The following ZFPM2 variants were observed in gnomAD, a reference collection of about 807,000 sequenced individuals.
The protein encoded by ZFPM2 is zinc finger protein, FOG family member 2.
Under a neutral mutation model 98.6 loss-of-function variants are expected in ZFPM2, and 20 were observed. The ratio of observed to expected loss-of-function variants is 0.20; its 90% CI spans 0.14 to 0.29. ZFPM2 has a LOEUF of 0.29. ZFPM2 is among the 10% of genes least tolerant of loss of function. ZFPM2 has a pLI of 1.00. For missense variants in ZFPM2, 1,310 were observed against 1,388.6 expected, an observed-to-expected ratio of 0.94 and a Z score of 0.90; for synonymous variants, 518 against 502.7, an observed-to-expected ratio of 1.03 and a Z score of -0.41.
At chr8:105,680,926 A>G (rs1810585503) in intron 5 of ZFPM2, among the ~76,000 whole-genome samples, 1 of 152,196 alleles carries the variant, frequency 6.6e-6, no homozygotes, top group Non-Finnish European at 1.5e-5. Flanking sequence ...GGAGCAGACA[A>G]CAAACAATAT....
At chr8:105,481,631 C>G (rs937524140) in intron 3 of ZFPM2, among the ~76,000 whole-genome samples, 1 of 152,146 alleles carries the variant, frequency 6.6e-6, no homozygotes, top group African/African-American at 2.4e-5. Context: ...CGGAGGGACA[C>G]AAGTCCCTCC....
chr8:105,342,552 TA>T (rs1812449334), intron 1 of ZFPM2, among the ~76,000 whole-genome samples: 1 of 151,948 alleles, frequency 6.6e-6, no homozygotes, highest in African/African-American at 2.4e-5. Flanking sequence ...TTTGCCTATT[TA>T]TCTAAAGAAA....
At chr8:105,406,733 G>A (rs1220760478) in intron 1 of ZFPM2, among the ~76,000 whole-genome samples, 3 of 151,910 alleles carry the variant, frequency 2.0e-5, no homozygotes, top group Non-Finnish European at 2.9e-5. Flanking sequence ...TGAGAGTGGC[G>A]CTTGAAAGGC....
At chr8:105,496,766 T>C (rs1296599038) in intron 3 of ZFPM2, among the ~76,000 whole-genome samples, 1 of 149,106 alleles carries the variant, frequency 6.7e-6, no homozygotes, top group Non-Finnish European at 1.5e-5. Context: ...GCGGATCACC[T>C]GAGCCCGGGA....
intron 1 of ZFPM2, among the ~76,000 whole-genome samples, chr8:105,408,013 T>A (rs548133326): frequency 6.6e-6 from 1 of 152,046 alleles, no homozygotes; most frequent in East Asian, 1.9e-4. Flanking sequence ...ACCTTTTGGC[T>A]TACCCTATAA....
rs528387857 is a variant in ZFPM2, at chr8:105,742,182, C to T, written c.533-46536C>T. 1.4e-4 allele frequency among the ~76,000 whole-genome samples: 21 copies of T among 151,794 alleles called. No homozygotes were observed. The South Asian group carries it at 4.4e-3, about 32-fold the overall frequency. On this transcript the variant is annotated intron_variant, in intron 5 of 7. Coordinates refer to ENST00000407775, the MANE Select transcript of ZFPM2 (RefSeq NM_012082.4). The stretch of plus-strand genomic sequence containing the variant: ...CCACTTGAAGTCAAGGGTTCAAGAC[C>T]AGCCTGGGCAAAATAGTGAGACTCT...
intron 3 of ZFPM2, among the ~76,000 whole-genome samples, chr8:105,507,117 A>T (rs910875024): frequency 6.6e-6 from 1 of 152,216 alleles, no homozygotes; most frequent in African/African-American, 2.4e-5. Flanking sequence ...GTTCATGCAA[A>T]CAAATGTTTT....
At chr8:105,766,640 A>G (rs1421808879) in intron 5 of ZFPM2, among the ~76,000 whole-genome samples, 1 of 151,918 alleles carries the variant, frequency 6.6e-6, no homozygotes, top group African/African-American at 2.4e-5. Flanking sequence ...TAGAATTGGC[A>G]GGGCTTTAGT....
chr8:105,641,599 C>T (rs1816949639), intron 5 of ZFPM2, among the ~76,000 whole-genome samples: 1 of 152,090 alleles, frequency 6.6e-6, no homozygotes, highest in South Asian at 2.1e-4. Context: ...GCAACTTCTG[C>T]AAATAGTGAG....
chr8:105,792,139 G>A (rs201999296), intron 6 of ZFPM2, among the ~76,000 whole-genome samples: 2 of 151,982 alleles, frequency 1.3e-5, no homozygotes, highest in South Asian at 4.1e-4. Flanking sequence ...TAGTTTTTGA[G>A]TGTGTTTGCT....
chr8:105,381,620 A>G (rs559513975), intron 1 of ZFPM2, among the ~76,000 whole-genome samples: 3 of 152,266 alleles, frequency 2.0e-5, no homozygotes, highest in East Asian at 1.9e-4. Context: ...CATTTGTCCA[A>G]TAACAGATCT....
chr8:105,396,930 T>A, intron 1 of ZFPM2, among the ~76,000 whole-genome samples: 1 of 152,242 alleles, frequency 6.6e-6, no homozygotes, highest in East Asian at 1.9e-4. Flanking sequence ...CCAGTAACAT[T>A]ATAACCTGGT....
intron 5 of ZFPM2, among the ~76,000 whole-genome samples, chr8:105,762,940 A>T (rs1290450648): frequency 6.6e-6 from 1 of 151,914 alleles, no homozygotes. Flanking sequence ...GAGATTTTTT[A>T]AAATTCCTCG....
intron 1 of ZFPM2, among the ~76,000 whole-genome samples, chr8:105,324,487 C>T (rs549854658): frequency 3.3e-5 from 5 of 151,696 alleles, no homozygotes; most frequent in South Asian, 2.1e-4. Context: ...AAAAAAGAAA[C>T]GAAAGTCTAA....
rs1240193228 is a variant in ZFPM2, at chr8:105,318,981, C to A, written c.40C>A (p.Arg14=). 2 of 1,490,944 alleles carry A rather than the reference C, an allele frequency of 1.3e-6. No individual in the cohort carries two copies. The highest frequency in any genetic ancestry group is 1.8e-6 in the Non-Finnish European group (2 of 1,112,782). The allele number at this position is 1,490,944 out of a possible 1,614,324, so 92.4% of individuals were successfully genotyped here. ...GCAAAGCAAACCCCGGCAGATCAAA[C>A]GTAAGTTTGCGCGCGGGGCCGGGAG... The part of the protein sequence containing the change: ...RKQSKPRQIK[R]PLEDAIEDEE... Residue 14 remains arginine, a splice_region_variant and synonymous_variant, in exon 1 of 8, where the codon CGG becomes AGG. Transcript: ENST00000407775.
chr8:105,568,165 T>A (rs1481926539), intron 4 of ZFPM2, among the ~76,000 whole-genome samples: 1 of 152,058 alleles, frequency 6.6e-6, no homozygotes, highest in African/African-American at 2.4e-5. Flanking sequence ...AATAAAAAAA[T>A]CTCTAACCTT....
At chr8:105,593,632 CA>C (rs761024950) in intron 4 of ZFPM2, among the ~76,000 whole-genome samples, 7 of 148,176 alleles carry the variant, frequency 4.7e-5, no homozygotes, top group African/African-American at 1.2e-4. Flanking sequence ...AGTTTCTCTT[CA>C]GTGAGTATTC....
intron 3 of ZFPM2, among the ~76,000 whole-genome samples, chr8:105,466,636 C>T (rs561229367): frequency 3.3e-4 from 50 of 152,126 alleles, no homozygotes; most frequent in Non-Finnish European, 5.9e-4. Context: ...ACTGCCAAGT[C>T]GCCTGTCCAG....
Position 105,777,563 on chromosome 8 carries a change from A to G in ZFPM2, c.533-11155A>G, listed in dbSNP as rs192909713. Among the ~76,000 whole-genome samples, 388 of 152,270 alleles carry G rather than the reference A, an allele frequency of 2.5e-3. 2 individuals carry two copies. Among genetic ancestry groups the G allele is most frequent in the African/African-American group, 8.4e-3 (351 of 41,558 alleles). ...AGCTGTCAGGAGTGCCAGCATGGGA[A>G]AGTTGAATGCCCCCAAATGCCCTGC... On this transcript the variant is annotated intron_variant, in intron 5 of 7. Transcript: ENST00000407775.
Sources: gnomAD v4.1 joint callset for allele counts (sites outside exome capture counted in the v4.1 genomes callset) on GRCh38, gnomAD v4.1.1 for gene constraint, MANE v1.5 for transcripts, NCBI Gene and HGNC (gene_info 2026-07-23, HGNC 2026-07-21) for gene names.